MEI1: variants seen among roughly 807,000 people sequenced by gnomAD.
The protein encoded by MEI1 is meiotic double-stranded break formation protein 1, also known as meiosis inhibitor protein 1.
MEI1 carries 103 observed loss-of-function variants against 146.2 expected under a neutral mutation model. The observed-to-expected ratio is 0.70, with a 90% CI of 0.60 to 0.83. MEI1 has a LOEUF of 0.83. Among genes scored for constraint, MEI1 ranks in the 40% least tolerant of loss-of-function variants. MEI1 has a pLI of 0.00. For missense variants in MEI1, 1,529 were observed against 1,533.0 expected (o/e 1.00, Z 0.04); for synonymous variants, 652 against 628.2 (o/e 1.04, Z -0.57).
chr22:41,710,449 TCTA>T (rs2069449215), intron 3 of MEI1, among the ~76,000 whole-genome samples: 1 of 152,210 alleles, frequency 6.6e-6, no homozygotes, highest in South Asian at 2.1e-4. Context: ...ACCCATGTAT[TCTA>T]CTGTGGGTAA....
intron 6 of MEI1, among the ~76,000 whole-genome samples, chr22:41,720,987 GC>G (rs2070731624): frequency 6.6e-6 from 1 of 151,236 alleles, no homozygotes; most frequent in Non-Finnish European, 1.5e-5. Context: ...CACCATGTTA[GC>G]CAGGATGGTC....
intron 18 of MEI1, among the ~76,000 whole-genome samples, chr22:41,760,882 C>T (rs539117611): frequency 5.9e-5 from 9 of 152,276 alleles, no homozygotes; most frequent in African/African-American, 1.9e-4. Context: ...GATTTTTAAC[C>T]GCTAGGTTTA....
intron 7 of MEI1, among the ~76,000 whole-genome samples, chr22:41,724,639 G>A (rs13053632): frequency 6.8e-6 from 1 of 146,638 alleles, no homozygotes; most frequent in Non-Finnish European, 1.5e-5. Context: ...AAAAAAATTA[G>A]CTGGGCGTGG....
intron 15 of MEI1, among the ~76,000 whole-genome samples, chr22:41,751,278 C>A (rs974100335): frequency 2.6e-4 from 39 of 152,178 alleles, no homozygotes; most frequent in African/African-American, 8.7e-4. Context: ...GATTCCCTGT[C>A]AGCTGCTTTA....
intron 12 of MEI1, among the ~76,000 whole-genome samples, chr22:41,743,572 G>GA: frequency 6.6e-6 from 1 of 152,300 alleles, no homozygotes; most frequent in Non-Finnish European, 1.5e-5. Context: ...GAATTCACTA[G>GA]AATCTTAGAA....
intron 20 of MEI1, among the ~76,000 whole-genome samples, chr22:41,771,573 C>A (rs1183221467): frequency 6.6e-6 from 1 of 151,292 alleles, no homozygotes; most frequent in Non-Finnish European, 1.5e-5. Flanking sequence ...GTAGCTGGGA[C>A]TACAGGTGCA....
chr22:41,712,912 C>G (rs1200975953), intron 3 of MEI1, among the ~76,000 whole-genome samples: 1 of 151,188 alleles, frequency 6.6e-6, no homozygotes, highest in Admixed American at 6.6e-5. Context: ...AGATTCATGC[C>G]ATTCTCCTGC....
chr22:41,743,104 T>C lies in MEI1; in HGVS notation c.1356T>C (p.Pro452=). The C allele has an allele frequency of 6.2e-7, 1 of 1,612,802 alleles. No individual in the cohort carries two copies. The highest frequency in any genetic ancestry group is 8.5e-7 in the Non-Finnish European group (1 of 1,179,390). ...GGAAGGACCATCAGAGCACTCCACC[T>C]GTGCAGTATGGGGAACTGCAGGCTT... ...FLRKDHQSTP[P]VQYGELQALL... Residue 452 remains proline (P), a synonymous_variant, in exon 12 of 31, where the codon CCT becomes CCC. Transcript: ENST00000401548.
Position 41,784,379 on chromosome 22 carries a change from A to T in MEI1, c.3128A>T (p.Lys1043Met). ...TCTGTGGAAATGGACCAAGTATTGAAGGCTCTCAGCTTTCCAAAGAAAAAG... is the reference window on the plus strand; with the variant it reads ...TCTGTGGAAATGGACCAAGTATTGATGGCTCTCAGCTTTCCAAAGAAAAAG... ...TLSVEMDQVL[K>M]ALSFPKKKAA... Residue 1043 changes from lysine (K) to methionine (M), a missense_variant, in exon 25 of 31, where the codon AAG becomes ATG. Transcript: ENST00000401548. 1 of 1,613,950 alleles carries T rather than the reference A, an allele frequency of 6.2e-7. No homozygotes were observed. Among genetic ancestry groups the T allele is most frequent in the Non-Finnish European group, 8.5e-7 (1 of 1,179,890 alleles).
intron 15 of MEI1, among the ~76,000 whole-genome samples, chr22:41,751,378 C>A (rs556997024): frequency 6.6e-6 from 1 of 152,306 alleles, no homozygotes; most frequent in East Asian, 1.9e-4. Flanking sequence ...TCTGCTTTTA[C>A]AGTGGCCCAG....
chr22:41,738,135 C>T (rs113912275), intron 11 of MEI1, among the ~76,000 whole-genome samples: 4 of 151,488 alleles, frequency 2.6e-5, no homozygotes, highest in Admixed American at 6.6e-5. Flanking sequence ...GACAACATAG[C>T]GCCACCCCAT....
At position 41,744,985 on chromosome 22, in the gene MEI1, A is replaced by G. The variant is rs376286302; in HGVS notation, c.1459A>G (p.Ser487Gly). Residue 487 changes from serine (S) to glycine (G), a missense_variant, in exon 13 of 31, where the codon AGT becomes GGT. By Grantham distance (56) the Ser-to-Gly change is moderately conservative (BLOSUM62 0). Transcript: ENST00000401548. ...LSRRPLGHAS[S>G]RDSEKAILQR... ...CTTCCCACCTCAGGGCCATGCCTCC[A>G]GTAGAGATTCAGAGAAGGCCATTCT... The G allele has an allele frequency of 1.0e-5, 16 of 1,556,868 alleles. No individual in the cohort carries two copies. The East Asian group carries it at 2.6e-4, about 25-fold the overall frequency.
intron 12 of MEI1, 79 bp downstream of exon 12, chr22:41,743,273 C>G (rs568939789): frequency 1.0e-6 from 1 of 962,764 alleles, no homozygotes; most frequent in Admixed American, 2.0e-5. Context: ...TATTCCCTTA[C>G]TTTTGTATGC....
chr22:41,793,113 G>A (rs1336030521), intron 26 of MEI1, among the ~76,000 whole-genome samples: 2 of 132,224 alleles, frequency 1.5e-5, no homozygotes, highest in Admixed American at 9.4e-5. Flanking sequence ...TGGCATGATC[G>A]TGGCTCATTC....
intron 11 of MEI1, among the ~76,000 whole-genome samples, chr22:41,742,746 G>C (rs1172290618): frequency 6.6e-6 from 1 of 152,054 alleles, no homozygotes; most frequent in Non-Finnish European, 1.5e-5. Context: ...CTACCTTCTT[G>C]GGCTCAGGTG....
At chr22:41,790,993 A>G (rs556919455) in intron 26 of MEI1, among the ~76,000 whole-genome samples, 24 of 152,206 alleles carry the variant, frequency 1.6e-4, no homozygotes, top group Non-Finnish European at 3.5e-4. Context: ...AGGCAGAGGT[A>G]TAGAGGGAAG....
At chr22:41,783,638 G>A (rs999581485) in intron 24 of MEI1, among the ~76,000 whole-genome samples, 23 of 152,078 alleles carry the variant, frequency 1.5e-4, no homozygotes, top group Admixed American at 1.0e-3. Context: ...TGAGAGAGGT[G>A]CAGTAACTTG....
At chr22:41,709,275 C>T (rs2069348695) in intron 3 of MEI1, 1 of 820,738 alleles carries the variant, frequency 1.2e-6, no homozygotes. Flanking sequence ...TTGGCATCTC[C>T]ATTTTCTGCA....
chr22:41,791,827 C>T (rs1304493371), intron 26 of MEI1, among the ~76,000 whole-genome samples: 1 of 152,198 alleles, frequency 6.6e-6, no homozygotes, highest in Non-Finnish European at 1.5e-5. Flanking sequence ...GAATGAAGTA[C>T]TGACACATGC....
Sources: gnomAD v4.1 joint callset for allele counts (sites outside exome capture counted in the v4.1 genomes callset) on GRCh38, gnomAD v4.1.1 for gene constraint, MANE v1.5 for transcripts, NCBI Gene and HGNC (gene_info 2026-07-23, HGNC 2026-07-21) for gene names.